Variants in DNER observed in about 807,000 individuals in gnomAD.
DNER encodes delta and Notch-like epidermal growth factor-related receptor.
DNER carries 33 observed loss-of-function variants against 78.2 expected under a neutral mutation model. The observed-to-expected ratio is 0.42, with a 90% CI of 0.32 to 0.56. DNER has a LOEUF of 0.56. Among genes scored for constraint, DNER ranks in the 20% least tolerant of loss-of-function variants. The pLI, the probability that DNER is intolerant of heterozygous loss-of-function variation, is 0.11. For synonymous variants in DNER, 417 were observed against 384.8 expected (o/e 1.08, Z -0.98); for missense variants, 918 against 975.3 (o/e 0.94, Z 0.78).
chr2:229,638,968 G>A (rs1443066355), intron 1 of DNER, among the ~76,000 whole-genome samples: 3 of 152,158 alleles, frequency 2.0e-5, no homozygotes, highest in Non-Finnish European at 4.4e-5. Flanking sequence ...GTTTCTCAAT[G>A]TCTATGACCA....
intron 10 of DNER, among the ~76,000 whole-genome samples, chr2:229,406,133 T>TC (rs1273991467): frequency 1.3e-5 from 2 of 152,158 alleles, no homozygotes; most frequent in Non-Finnish European, 2.9e-5. Context: ...CAGATGAGGC[T>TC]CCCCTGGGAT....
At chr2:229,610,336 G>A (rs942838610) in intron 1 of DNER, among the ~76,000 whole-genome samples, 3 of 152,148 alleles carry the variant, frequency 2.0e-5, no homozygotes, top group Admixed American at 6.5e-5. Context: ...AGAAGAGAAC[G>A]GTTTCCTGGA....
At chr2:229,682,244 G>A (rs778766328) in intron 1 of DNER, among the ~76,000 whole-genome samples, 18 of 152,150 alleles carry the variant, frequency 1.2e-4, no homozygotes, top group Non-Finnish European at 2.1e-4. Flanking sequence ...TTCAGCAGAC[G>A]ATAGGCTGAA....
chr2:229,588,748 G>A lies in DNER; in HGVS notation c.586-260C>T, dbSNP rs74720710. 1.9e-3 allele frequency among the ~76,000 whole-genome samples: 293 copies of A among 152,326 alleles called. 4 individuals are homozygous for A. Among genetic ancestry groups the A allele is most frequent in the African/African-American group, 6.6e-3 (274 of 41,572 alleles). Reference sequence around the variant, plus strand: ...TGTTAAAACTGATCAATAGGATATTGCAGGACAGGAAGCAGATGTCACTCC... The same window carrying A: ...TGTTAAAACTGATCAATAGGATATTACAGGACAGGAAGCAGATGTCACTCC... On this transcript the variant is annotated intron_variant, in intron 2 of 12. Coordinates refer to ENST00000341772, the MANE Select transcript of DNER (RefSeq NM_139072.4).
At chr2:229,500,441 A>G (rs1357122403) in intron 6 of DNER, among the ~76,000 whole-genome samples, 1 of 152,214 alleles carries the variant, frequency 6.6e-6, no homozygotes, top group East Asian at 1.9e-4. Flanking sequence ...CTGGGAATGC[A>G]AAGTAGTGTA....
intron 5 of DNER, among the ~76,000 whole-genome samples, chr2:229,524,788 A>G (rs376787961): frequency 2.6e-5 from 4 of 152,180 alleles, no homozygotes; most frequent in African/African-American, 7.2e-5. Flanking sequence ...TTGATCCCTT[A>G]TAGAGAGTCT....
chr2:229,667,547 G>A (rs543036160), intron 1 of DNER, among the ~76,000 whole-genome samples: 6 of 152,244 alleles, frequency 3.9e-5, no homozygotes, highest in South Asian at 2.1e-4. Context: ...TTCACCACTA[G>A]TCTTTTTGTT....
intron 1 of DNER, among the ~76,000 whole-genome samples, chr2:229,605,285 G>A (rs530062022): frequency 1.3e-5 from 2 of 152,096 alleles, no homozygotes; most frequent in Admixed American, 1.3e-4. Context: ...GGAAGCAAAG[G>A]GATGAGGGCA....
intron 1 of DNER, among the ~76,000 whole-genome samples, chr2:229,689,533 A>T (rs1326264515): frequency 1.3e-5 from 2 of 152,210 alleles, no homozygotes; most frequent in African/African-American, 4.8e-5. Flanking sequence ...AGTCAGAAAA[A>T]AAAATATGTT....
intron 7 of DNER, among the ~76,000 whole-genome samples, chr2:229,476,181 C>A (rs1422498688): frequency 1.3e-5 from 2 of 152,108 alleles, no homozygotes; most frequent in Non-Finnish European, 1.5e-5. Context: ...CCCTGCTCTG[C>A]CCAAGTGAGC....
At chr2:229,421,515 T>C (rs1208969094) in intron 8 of DNER, among the ~76,000 whole-genome samples, 2 of 150,096 alleles carry the variant, frequency 1.3e-5, no homozygotes, top group African/African-American at 4.9e-5. Context: ...TTTACCACTA[T>C]CTGTATATCT....
chr2:229,592,095 A>C (rs1559176204), intron 1 of DNER, among the ~76,000 whole-genome samples: 1 of 152,238 alleles, frequency 6.6e-6, no homozygotes, highest in Non-Finnish European at 1.5e-5. Flanking sequence ...AGAGGCACCC[A>C]GCAAGAAAAT....
chr2:229,573,189 T>C (rs186823036), intron 4 of DNER, among the ~76,000 whole-genome samples: 10 of 152,320 alleles, frequency 6.6e-5, no homozygotes, highest in Non-Finnish European at 1.3e-4. Flanking sequence ...CAAGCAAATA[T>C]AACTTTTGTA....
chr2:229,477,303 C>T, intron 6 of DNER, 50 bp from the exon 7 acceptor site: 1 of 1,384,842 alleles, frequency 7.2e-7, no homozygotes, highest in Non-Finnish European at 1.0e-6. Context: ...TCCAGACCCA[C>T]CATGAGCCAC....
At chr2:229,432,309 T>C (rs1425886455) in intron 8 of DNER, among the ~76,000 whole-genome samples, 3 of 152,086 alleles carry the variant, frequency 2.0e-5, no homozygotes, top group African/African-American at 7.2e-5. Context: ...CACCCTCACA[T>C]TCCAGAAGTT....
At chr2:229,645,981 G>A (rs1158535558) in intron 1 of DNER, among the ~76,000 whole-genome samples, 1 of 152,138 alleles carries the variant, frequency 6.6e-6, no homozygotes, top group Non-Finnish European at 1.5e-5. Flanking sequence ...AAGTTGTCTG[G>A]GGGAATCTAT....
chr2:229,492,518 C>T (rs1366271377), intron 6 of DNER, among the ~76,000 whole-genome samples: 4 of 152,260 alleles, frequency 2.6e-5, no homozygotes, highest in South Asian at 2.1e-4. Context: ...AGATGGGCCC[C>T]GAGTGAAGAG....
At chr2:229,678,439 C>G (rs1252834476) in intron 1 of DNER, among the ~76,000 whole-genome samples, 1 of 143,520 alleles carries the variant, frequency 7.0e-6, no homozygotes, top group African/African-American at 2.5e-5. Flanking sequence ...TGATTCTTCC[C>G]CATAAAAAAT....
intron 1 of DNER, among the ~76,000 whole-genome samples, chr2:229,620,246 G>A (rs1482392613): frequency 6.6e-6 from 1 of 152,158 alleles, no homozygotes; most frequent in South Asian, 2.1e-4. Flanking sequence ...ATAATGGAAA[G>A]GAAATAAATT....
Sources: allele counts gnomAD v4.1 joint callset (sites outside exome capture counted in the v4.1 genomes callset), GRCh38; gene constraint gnomAD v4.1.1; transcripts MANE v1.5; gene names NCBI Gene and HGNC (gene_info 2026-07-23, HGNC 2026-07-21).